The following DDX6 variants were observed in gnomAD, a reference collection of about 807,000 sequenced individuals.
DDX6 encodes probable ATP-dependent RNA helicase DDX6.
A neutral mutation model predicts 60.6 loss-of-function variants in DDX6; 7 were observed. The ratio of observed to expected loss-of-function variants is 0.12; its 90% CI spans 0.07 to 0.22. DDX6 has a LOEUF of 0.22. DDX6 is among the 10% of genes least tolerant of loss of function. The pLI is 1.00. For synonymous variants in DDX6, 207 were observed against 201.0 expected (o/e 1.03, Z -0.25); for missense variants, 270 against 589.9 (o/e 0.46, Z 5.62).
At chr11:118,772,512 A>C (rs1861568145) in intron 4 of DDX6, among the ~76,000 whole-genome samples, 1 of 152,204 alleles carries the variant, frequency 6.6e-6, no homozygotes, top group African/African-American at 2.4e-5. Context: ...ATGAGGTGTG[A>C]CTGCTAAAAG....
In DDX6 at chr11:118,768,497, G is replaced by A. The variant is rs1407663821; in HGVS notation, c.370-145C>T. The A allele has an allele frequency of 1.5e-5, 12 of 781,274 alleles. No individual in the cohort carries two copies. The African/African-American group carries it at 1.9e-4, about 12-fold the overall frequency. The allele number at this position is 781,274 out of a possible 1,614,324, so 48.4% of individuals were successfully genotyped here. A position where few individuals can be genotyped will look rare whatever the true frequency, so the allele number is the denominator to read the frequency against. ...ATTTGAATTCTACATGAATAGCAGA[G>A]ATCCAAGTAAATCAGCACGACCAGT... On this transcript the variant is annotated intron_variant, in intron 4 of 13. Transcript: ENST00000534980.
At chr11:118,780,068 A>T (rs1338032154) in intron 3 of DDX6, among the ~76,000 whole-genome samples, 1 of 127,312 alleles carries the variant, frequency 7.9e-6, no homozygotes, top group Non-Finnish European at 1.6e-5. Flanking sequence ...GTGAGGTGAG[A>T]TCGCACTCAC....
intron 2 of DDX6, among the ~76,000 whole-genome samples, chr11:118,784,678 C>G (rs1282757547): frequency 1.3e-5 from 2 of 151,826 alleles, no homozygotes; most frequent in Non-Finnish European, 2.9e-5. Context: ...AGGCTGGCCT[C>G]AAACTTTTGA....
chr11:118,753,565 CTT>C (rs1271504431), intron 13 of DDX6, among the ~76,000 whole-genome samples: 6 of 146,988 alleles, frequency 4.1e-5, no homozygotes, highest in African/African-American at 1.5e-4. Flanking sequence ...GTCTCGATCT[CTT>C]GACCTCGTGA....
chr11:118,768,987 C>CAAAA (rs782136763), intron 4 of DDX6, among the ~76,000 whole-genome samples: 512 of 39,964 alleles, frequency 0.013, 112 homozygotes, highest in South Asian at 0.016. Context: ...CGTCTCATCT[C>CAAAA]AAAAAAAAAA....
chr11:118,754,476 T>C, intron 13 of DDX6: 1 of 442,974 alleles, frequency 2.3e-6, no homozygotes. Context: ...ATTTAAGTAC[T>C]GCTAATCTAC....
chr11:118,759,793 G>T, intron 8 of DDX6, 129 bp downstream of exon 8: 3 of 1,048,224 alleles, frequency 2.9e-6, no homozygotes, highest in Non-Finnish European at 3.9e-6. Context: ...TTGATCAACT[G>T]AAGAAAGAGC....
chr11:118,758,909 G>T lies in DDX6; in HGVS notation c.865-7C>A. ...GTTTCTGCAAATGGGAATTCTGGGGGGGGAGCGGGAAAAAGATGAGTCGTC... is the reference window on the plus strand; with the variant it reads ...GTTTCTGCAAATGGGAATTCTGGGGTGGGAGCGGGAAAAAGATGAGTCGTC... On this transcript the variant is annotated splice_region_variant and splice_polypyrimidine_tract_variant and intron_variant, in intron 8 of 13. Coordinates refer to ENST00000534980, the MANE Select transcript of DDX6 (RefSeq NM_004397.6). 6.2e-7 allele frequency: 1 copy of T among 1,612,902 alleles called. No homozygotes were observed. The highest frequency in any genetic ancestry group is 1.1e-5 in the South Asian group (1 of 90,890).
chr11:118,773,813 ACT>A (rs1433683545), intron 4 of DDX6, among the ~76,000 whole-genome samples: 12 of 151,584 alleles, frequency 7.9e-5, no homozygotes, highest in Admixed American at 4.0e-4. Flanking sequence ...ACAAACTGAG[ACT>A]CTGTCTCCCC....
chr11:118,782,910 G>A (rs1171394797), intron 2 of DDX6, among the ~76,000 whole-genome samples: 1 of 152,088 alleles, frequency 6.6e-6, no homozygotes, highest in Non-Finnish European at 1.5e-5. Flanking sequence ...GATTACAGGC[G>A]TGAGCCACCT....
chr11:118,771,213 G>A (rs371070694), intron 4 of DDX6, among the ~76,000 whole-genome samples: 2 of 152,160 alleles, frequency 1.3e-5, no homozygotes, highest in South Asian at 2.1e-4. Context: ...GTCTCATAAC[G>A]ACTTGCTGGG....
intron 12 of DDX6, 124 bp downstream of exon 12, chr11:118,755,278 C>G: frequency 1.6e-6 from 1 of 624,364 alleles, no homozygotes; most frequent in Non-Finnish European, 2.8e-6. Flanking sequence ...TACCAAACAA[C>G]TGAATTACTG....
In DDX6 at chr11:118,749,220, AAT is replaced by A. The variant is rs552841753; in HGVS notation, c.*2883_*2884del. 10 of 152,228 alleles carry A rather than the reference AAT, an allele frequency of 6.6e-5. No homozygotes were observed. Among genetic ancestry groups the A allele is most frequent in the South Asian group, 4.2e-4 (2 of 4,818 alleles). 9.4% of individuals were successfully genotyped at this position (152,228 alleles called of 1,614,324 possible). On this transcript the variant is annotated 3_prime_UTR_variant, in exon 14 of 14. Transcript: ENST00000534980. Reference sequence around the variant, plus strand: ...AGTTGGATGTAGTTTTAATATTAAAAATAGAGGGTAGTTCTCATCCAAATGAG... The same window carrying A: ...AGTTGGATGTAGTTTTAATATTAAAAAGAGGGTAGTTCTCATCCAAATGAG...
chr11:118,765,543 G>A (rs896895746), intron 5 of DDX6, among the ~76,000 whole-genome samples, 188 bp from the exon 6 acceptor site: 2 of 152,182 alleles, frequency 1.3e-5, no homozygotes, highest in Non-Finnish European at 2.9e-5. Context: ...GGGAGGCCAA[G>A]GTGGGCAGAT....
intron 4 of DDX6, among the ~76,000 whole-genome samples, chr11:118,770,168 G>A (rs1861490163): frequency 6.6e-6 from 1 of 151,642 alleles, no homozygotes; most frequent in Non-Finnish European, 1.5e-5. Context: ...TTAGATTAAC[G>A]GCGTGTGCCA....
intron 10 of DDX6, among the ~76,000 whole-genome samples, chr11:118,756,841 A>G (rs1437062501): frequency 6.6e-6 from 1 of 151,752 alleles, no homozygotes; most frequent in Non-Finnish European, 1.5e-5. Context: ...TTAAATTGCC[A>G]CATGTGGCTA....
At chr11:118,759,002 C>T in intron 8 of DDX6, 100 bp from the exon 9 acceptor site, 1 of 1,478,734 alleles carries the variant, frequency 6.8e-7, no homozygotes, top group Non-Finnish European at 9.1e-7. Context: ...CCGATAAACT[C>T]TTGCTGTAAG....
At chr11:118,769,304 A>AT (rs1406080140) in intron 4 of DDX6, among the ~76,000 whole-genome samples, 2 of 152,286 alleles carry the variant, frequency 1.3e-5, no homozygotes, top group East Asian at 3.9e-4. Context: ...ATTTATTTAT[A>AT]TAATAAGTAA....
intron 5 of DDX6, 81 bp downstream of exon 5, chr11:118,768,142 A>G: frequency 7.6e-7 from 1 of 1,316,154 alleles, no homozygotes; most frequent in African/African-American, 1.5e-5. Flanking sequence ...AATTCTGACT[A>G]AAAAAAGAGT....
Sources: gnomAD v4.1 joint callset for allele counts (sites outside exome capture counted in the v4.1 genomes callset) on GRCh38, gnomAD v4.1.1 for gene constraint, MANE v1.5 for transcripts, NCBI Gene and HGNC (gene_info 2026-07-23, HGNC 2026-07-21) for gene names.